MICU2: variants seen among roughly 807,000 people sequenced by gnomAD.
MICU2 encodes the protein calcium uptake protein 2, mitochondrial.
In MICU2, 64 loss-of-function variants were observed where a neutral mutation model predicts 60.4. The ratio of observed to expected loss-of-function variants is 1.06; its 90% CI spans 0.87 to 1.31. The LOEUF (loss-of-function observed/expected upper bound fraction) is 1.31. Among genes scored for constraint, MICU2 ranks in the 50% most tolerant of loss-of-function variants. The pLI is 0.00. For synonymous variants in MICU2, 201 were observed against 175.0 expected, an observed-to-expected ratio of 1.15 and a Z score of -1.17; for missense variants, 569 against 531.0, an observed-to-expected ratio of 1.07 and a Z score of -0.70.
At chr13:21,603,729 C>G in intron 1 of MICU2, 2 of 584,210 alleles carry the variant, frequency 3.4e-6, no homozygotes, top group Non-Finnish European at 6.0e-6. Context: ...GCAGAATCTC[C>G]GGTCACCAGC....
At position 21,604,112 on chromosome 13, in the gene MICU2, C is replaced by T. The variant is rs1888902039; in HGVS notation, c.37G>A (p.Ala13Thr). The part of the protein sequence containing the change: ...AAAGSCARVA[A>T]WGGKLRRGLA... Reference sequence around the variant, plus strand: ...CCCCGTCGCAGTTTTCCGCCCCAGGCCGCCACCCGCGCGCAGCTACCCGCA... The same window carrying T: ...CCCCGTCGCAGTTTTCCGCCCCAGGTCGCCACCCGCGCGCAGCTACCCGCA... Residue 13 changes from alanine to threonine, a missense_variant, in exon 1 of 12, where the codon GCC (alanine) becomes ACC (threonine). Coordinates refer to ENST00000382374, the MANE Select transcript of MICU2 (RefSeq NM_152726.3). 2 of 1,580,640 alleles carry T rather than the reference C, an allele frequency of 1.3e-6. No individual in the cohort carries two copies. Among genetic ancestry groups the T allele is most frequent in the Non-Finnish European group, 1.7e-6 (2 of 1,165,510 alleles).
At chr13:21,499,153 G>C (rs1363473029) in intron 9 of MICU2, among the ~76,000 whole-genome samples, 1 of 151,658 alleles carries the variant, frequency 6.6e-6, no homozygotes, top group Non-Finnish European at 1.5e-5. Flanking sequence ...GTTTCACCAT[G>C]TTGACCAGGC....
chr13:21,513,549 C>A (rs1343767029), intron 7 of MICU2, among the ~76,000 whole-genome samples: 1 of 151,838 alleles, frequency 6.6e-6, no homozygotes, highest in African/African-American at 2.4e-5. Flanking sequence ...ACCAGCCTGA[C>A]CAACATGGTG....
At chr13:21,535,388 C>T (rs955414073) in intron 4 of MICU2, among the ~76,000 whole-genome samples, 18 of 152,060 alleles carry the variant, frequency 1.2e-4, no homozygotes, top group African/African-American at 4.3e-4. Context: ...TGAGTTTTCA[C>T]AACTGGTAAA....
chr13:21,541,328 G>A (rs76693016), intron 2 of MICU2, among the ~76,000 whole-genome samples: 4,102 of 152,130 alleles, frequency 0.027, 72 homozygotes, highest in African/African-American at 0.032. Flanking sequence ...TAGAAGTCTG[G>A]CTGCCAAACA....
At chr13:21,535,436 T>C (rs1285039139) in intron 4 of MICU2, among the ~76,000 whole-genome samples, 1 of 152,180 alleles carries the variant, frequency 6.6e-6, no homozygotes, top group African/African-American at 2.4e-5. Context: ...TCCAGAAAAG[T>C]CTATATTATG....
intron 1 of MICU2, among the ~76,000 whole-genome samples, chr13:21,573,738 A>T (rs1447824935): frequency 7.0e-6 from 1 of 142,088 alleles, no homozygotes; most frequent in Admixed American, 7.1e-5. Flanking sequence ...GTTAATAATT[A>T]AAAAAAAAAA....
chr13:21,601,097 G>A (rs1213019598), intron 1 of MICU2, among the ~76,000 whole-genome samples: 2 of 151,670 alleles, frequency 1.3e-5, no homozygotes, highest in Non-Finnish European at 3.0e-5. Flanking sequence ...GGCCCGGCCG[G>A]ACATATTCAC....
chr13:21,535,513 A>G (rs1233900910), intron 4 of MICU2, among the ~76,000 whole-genome samples: 1 of 152,210 alleles, frequency 6.6e-6, no homozygotes. Context: ...ATCTTGCTTA[A>G]AATCTACTTT....
At chr13:21,518,786 C>T (rs369826966) in intron 6 of MICU2, among the ~76,000 whole-genome samples, 1 of 152,200 alleles carries the variant, frequency 6.6e-6, no homozygotes, top group South Asian at 2.1e-4. Context: ...TGACTTATGG[C>T]ACTGGTATTT....
At position 21,513,739 on chromosome 13, in the gene MICU2, CA is replaced by C. The variant is rs376128312; in HGVS notation, c.663+613del. ...TGGGAGACTGAGTGAGACTCTGTCT[CA>C]AAAAAAAAAAAAAAAAAAAAAAAAG... On this transcript the variant is annotated intron_variant, in intron 7 of 11. Coordinates refer to ENST00000382374, the MANE Select transcript of MICU2 (RefSeq NM_152726.3). Among the ~76,000 whole-genome samples the C allele has an allele frequency of 7.8e-3, 459 of 59,056 alleles. 2 individuals are homozygous for C. The highest frequency in any genetic ancestry group is 0.036 in the African/African-American group (433 of 12,110). 38.7% of individuals were successfully genotyped at this position (59,056 alleles called of 152,430 possible). A position where few individuals can be genotyped will look rare whatever the true frequency, so the allele number is the denominator to read the frequency against.
At chr13:21,603,699 G>A in intron 1 of MICU2, 2 of 555,124 alleles carry the variant, frequency 3.6e-6, no homozygotes, top group African/African-American at 2.0e-5. Context: ...TTCAGCGTCC[G>A]CGGGGTTCTC....
At chr13:21,522,689 A>G in intron 4 of MICU2, 39 bp from the exon 5 acceptor site, 1 of 1,456,198 alleles carries the variant, frequency 6.9e-7, no homozygotes. Flanking sequence ...TAAGCTTTAG[A>G]TGGTTTAGAA....
chr13:21,521,411 C>T (rs192748021), intron 5 of MICU2, 84 bp from the exon 6 acceptor site: 1 of 1,035,494 alleles, frequency 9.7e-7, no homozygotes, highest in Non-Finnish European at 1.4e-6. Context: ...ATTTGACATA[C>T]ACTAGCAGAA....
At chr13:21,561,025 A>T (rs1007434553) in intron 2 of MICU2, among the ~76,000 whole-genome samples, 6 of 152,156 alleles carry the variant, frequency 3.9e-5, no homozygotes, top group African/African-American at 1.4e-4. Flanking sequence ...ATATTTTAAA[A>T]TTTCTTTTGA....
At chr13:21,507,430 TATG>T (rs1886316132) in intron 8 of MICU2, among the ~76,000 whole-genome samples, 1 of 152,124 alleles carries the variant, frequency 6.6e-6, no homozygotes, top group Non-Finnish European at 1.5e-5. Context: ...TGTTTTAAAT[TATG>T]ATATTTTTGG....
intron 8 of MICU2, among the ~76,000 whole-genome samples, chr13:21,508,412 C>T (rs1455371465): frequency 6.6e-6 from 1 of 152,194 alleles, no homozygotes; most frequent in African/African-American, 2.4e-5. Context: ...GCGTGAGCCA[C>T]CACACCCGGC....
chr13:21,502,963 T>G lies in MICU2; in HGVS notation c.896A>C (p.Tyr299Ser). Residue 299 changes from tyrosine (Y) to serine (S), a missense_variant, in exon 9 of 12, where the codon TAT (tyrosine) becomes TCT (serine). Physicochemically the swap from Tyr to Ser is moderately radical, Grantham distance 144. Coordinates refer to ENST00000382374, the MANE Select transcript of MICU2 (RefSeq NM_152726.3). ...FFTNTENKDI[Y>S]WKNVREKLSA... Reference sequence around the variant, plus strand: ...CAACTTCTCTCTCACATTTTTCCAATAAATATCTTTATTTTCAGTGTTAGT... The same window carrying G: ...CAACTTCTCTCTCACATTTTTCCAAGAAATATCTTTATTTTCAGTGTTAGT... 1 of 1,611,706 alleles carries G rather than the reference T, an allele frequency of 6.2e-7. No individual in the cohort carries two copies. The highest frequency in any genetic ancestry group is 8.5e-7 in the Non-Finnish European group (1 of 1,179,574).
Position 21,603,972 on chromosome 13 carries a change from C to G in MICU2, c.177G>C (p.Ala59=). 3 of 1,612,478 alleles carry G rather than the reference C, an allele frequency of 1.9e-6. No homozygotes were observed. The highest frequency in any genetic ancestry group is 1.7e-4 in the Middle Eastern group (1 of 5,946). Residue 59 remains alanine (A), a synonymous_variant, in exon 1 of 12, where the codon GCG becomes GCC. Transcript: ENST00000382374. The stretch of plus-strand genomic sequence containing the variant: ...AGACTGTAAAACTGCCATCCCGCGC[C>G]GCAACACTGACGCGGCTGTGGTGCC... ...AAWHHSRVSV[A]ARDGSFTVSA...
Sources: gnomAD v4.1 joint callset for allele counts (sites outside exome capture counted in the v4.1 genomes callset) on GRCh38, gnomAD v4.1.1 for gene constraint, MANE v1.5 for transcripts, NCBI Gene and HGNC (gene_info 2026-07-23, HGNC 2026-07-21) for gene names.